The following CHTF18 variants were observed in gnomAD, a reference collection of about 807,000 sequenced individuals.
CHTF18 encodes chromosome transmission fidelity factor 18.
A neutral mutation model predicts 113.4 loss-of-function variants in CHTF18; 151 were observed. The observed-to-expected ratio is 1.33, with a 90% confidence interval of 1.17 to 1.52. CHTF18 has a LOEUF of 1.52. Ranked by LOEUF, CHTF18 falls within the 40% of genes most tolerant of loss-of-function variation. The pLI is 0.00. For synonymous variants in CHTF18, 916 were observed against 598.8 expected (o/e 1.53, Z -7.74); for missense variants, 1,982 against 1,381.6 (o/e 1.43, Z -6.89).
intron 12 of CHTF18, 51 bp downstream of exon 12, chr16:792,862 G>T (rs2042238039): frequency 6.5e-7 from 1 of 1,530,010 alleles, no homozygotes; most frequent in African/African-American, 1.4e-5. Context: ...TGGGGGCGTG[G>T]CCTCGTTCTG....
rs200765427 is a variant in CHTF18 at position 793,183 on chromosome 16, G to A, written c.1711G>A (p.Asp571Asn). 4,974 of 1,608,046 alleles carry A rather than the reference G, an allele frequency of 3.1e-3. 15 individuals carry two copies. Among genetic ancestry groups the A allele is most frequent in the Non-Finnish European group, 3.3e-3 (3,881 of 1,178,312 alleles). Residue 571 changes from aspartate to asparagine, a missense_variant, in exon 14 of 22, where the codon GAC (aspartate) becomes AAC (asparagine). Coordinates refer to ENST00000262315, the MANE Select transcript of CHTF18 (RefSeq NM_022092.3). ...SRGQRELSVR[D>N]VQATRVGLKD... ...GGGCCAGCGGGAGCTGAGCGTGCGG[G>A]ACGTGCAGGCCACACGCGTGGGCCT...
At position 798,014 on chromosome 16, in the gene CHTF18, C is replaced by A. The variant is rs757996880; in HGVS notation, c.*39C>A. 1 of 1,588,944 alleles carries A rather than the reference C, an allele frequency of 6.3e-7. No individual in the cohort carries two copies. Among genetic ancestry groups the A allele is most frequent in the Middle Eastern group, 1.7e-4 (1 of 5,902 alleles). ...GGACATGCCCTCGCATTGCTTCCCG[C>A]AGAGTGCAGAGACAGGAAGCTGGAG... On this transcript the variant is annotated 3_prime_UTR_variant, in exon 22 of 22. Coordinates refer to ENST00000262315, the MANE Select transcript of CHTF18 (RefSeq NM_022092.3).
intron 7 of CHTF18, 131 bp downstream of exon 7, chr16:790,797 T>C (rs1299262387): frequency 2.1e-6 from 3 of 1,435,764 alleles, no homozygotes; most frequent in African/African-American, 2.9e-5. Flanking sequence ...TTTGCCCTTT[T>C]GAGTTGTAGG....
chr16:791,719 TC>T, intron 8 of CHTF18, 131 bp from the exon 9 acceptor site: 1 of 1,443,798 alleles, frequency 6.9e-7, no homozygotes, highest in Non-Finnish European at 9.1e-7. Context: ...TCAATTTTGT[TC>T]TTATTTGATG....
chr16:788,865 C>T (rs962928596), intron 1 of CHTF18, 66 bp from the exon 2 acceptor site: 16 of 1,507,046 alleles, frequency 1.1e-5, no homozygotes, highest in African/African-American at 4.3e-5. Flanking sequence ...CCGAAGGGGC[C>T]TCCACGTCGC....
intron 7 of CHTF18, 160 bp downstream of exon 7, chr16:790,826 G>C (rs2042177080): frequency 1.4e-6 from 2 of 1,433,144 alleles, no homozygotes; most frequent in African/African-American, 1.4e-5. Flanking sequence ...TGAGCACAGG[G>C]CTGTGTGCTA....
At position 793,220 on chromosome 16, in the gene CHTF18, G is replaced by A. The variant is rs753456384; in HGVS notation, c.1748G>A (p.Arg583His). ...QATRVGLKDQ[R>H]RGLFSVWQEV... is the part of the protein sequence containing the mutation. Reference sequence around the variant, plus strand: ...ACACGCGTGGGCCTCAAGGACCAGCGCAGAGGGCTCTTCTCGGTGTGGCAG... The same window carrying A: ...ACACGCGTGGGCCTCAAGGACCAGCACAGAGGGCTCTTCTCGGTGTGGCAG... The change falls in exon 14 of 22, where the codon CGC becomes CAC. Residue 583 changes from arginine (R) to histidine (H), a missense_variant. Arg to His is a conservative substitution (Grantham distance 29). Coordinates refer to ENST00000262315, the MANE Select transcript of CHTF18 (RefSeq NM_022092.3). The A allele has an allele frequency of 1.1e-5, 18 of 1,609,350 alleles. No individual in the cohort carries two copies. Among genetic ancestry groups the A allele is most frequent in the Non-Finnish European group, 1.4e-5 (16 of 1,178,936 alleles).
chr16:797,214 G>A (rs1392216302), intron 20 of CHTF18, 122 bp downstream of exon 20: 12 of 1,222,066 alleles, frequency 9.8e-6, no homozygotes, highest in Non-Finnish European at 1.3e-5. Context: ...TTGTGGGTGT[G>A]GCTAGGGCCC....
At chr16:796,342 G>A (rs561485106) in intron 18 of CHTF18, among the ~76,000 whole-genome samples, 13 of 152,346 alleles carry the variant, frequency 8.5e-5, no homozygotes, top group Non-Finnish European at 1.8e-4. Flanking sequence ...GGCCCCGAGA[G>A]TGACTGCACT....
Position 791,014 on chromosome 16 carries a change from C to T in CHTF18, c.895-147C>T, listed in dbSNP as rs955251693. On this transcript the variant is annotated intron_variant, in intron 7 of 21. Coordinates refer to ENST00000262315, the MANE Select transcript of CHTF18 (RefSeq NM_022092.3). ...GGTGGAGCCCCTGGTGTGAGCCTTG[C>T]GGTCACTCGCTGGCAGGAAGACGGG... is the stretch of plus-strand genomic sequence containing the variant. 3.5e-5 allele frequency: 52 copies of T among 1,471,634 alleles called. No individual in the cohort carries two copies. In the East Asian group the frequency reaches 7.2e-4, roughly 20 times the overall value. 91.2% of individuals were successfully genotyped at this position (1,471,634 alleles called of 1,614,324 possible).
intron 9 of CHTF18, 46 bp downstream of exon 9, chr16:791,994 T>G (rs751739227): frequency 2.2e-5 from 34 of 1,569,048 alleles, no homozygotes; most frequent in Middle Eastern, 1.7e-4. Context: ...TGTCCTGACG[T>G]GTTTGAGTTC....
chr16:792,832 C>T (rs532899463), intron 12 of CHTF18, 21 bp downstream of exon 12: 104 of 1,538,162 alleles, frequency 6.8e-5, no homozygotes, highest in African/African-American at 4.5e-4. Flanking sequence ...CCCCAGGAGC[C>T]GTGTGGCTGA....
chr16:793,210 A>G lies in CHTF18; in HGVS notation c.1738A>G (p.Lys580Glu). Residue 580 changes from lysine to glutamate, a missense_variant, in exon 14 of 22, where the codon AAG becomes GAG. Physicochemically the swap from Lys to Glu is moderately conservative, Grantham distance 56. Coordinates refer to ENST00000262315, the MANE Select transcript of CHTF18 (RefSeq NM_022092.3). ...CGTGCAGGCCACACGCGTGGGCCTC[A>G]AGGACCAGCGCAGAGGGCTCTTCTC... is the stretch of plus-strand genomic sequence containing the variant. ...RDVQATRVGL[K>E]DQRRGLFSVW... 1 of 1,608,636 alleles carries G rather than the reference A, an allele frequency of 6.2e-7. No homozygotes were observed. Among genetic ancestry groups the G allele is most frequent in the South Asian group, 1.1e-5 (1 of 90,432 alleles).
rs200950576 is a variant in CHTF18 at position 789,664 on chromosome 16, C to T, written c.555C>T (p.Gly185=). Residue 185 remains glycine (G), a synonymous_variant, in exon 4 of 22, where the codon GGC becomes GGT. Coordinates refer to ENST00000262315, the MANE Select transcript of CHTF18 (RefSeq NM_022092.3). ...ACGTCCACGTGACATCCACGGAGGG[C>T]GTCCGGGCTTATCTGGTGCTGCGTG... ...EDYVHVTSTE[G]VRAYLVLRAD... is the part of the protein sequence containing the mutation. 9.4e-6 allele frequency: 15 copies of T among 1,603,746 alleles called. No individual in the cohort carries two copies. Among genetic ancestry groups the T allele is most frequent in the Admixed American group, 8.3e-5 (5 of 59,942 alleles).
intron 15 of CHTF18, chr16:794,900 G>C (rs1367818279): frequency 1.8e-6 from 1 of 564,416 alleles, no homozygotes; most frequent in Non-Finnish European, 3.2e-6. Flanking sequence ...AAGCTGTAGC[G>C]AGGATGCTCA....
In CHTF18 at chr16:792,752, G is replaced by A; in HGVS notation, c.1513G>A (p.Ala505Thr). The change falls in exon 12 of 22, where the codon GCC (alanine) becomes ACC (threonine). Residue 505 changes from alanine (A) to threonine (T), a missense_variant. Coordinates refer to ENST00000262315, the MANE Select transcript of CHTF18 (RefSeq NM_022092.3). ...GTCCCTGCGGCAGCTGAAGCAGCAG[G>A]CCTTCCTGCTCCACTTCCCGCCGAC... ...APSLRQLKQQ[A>T]FLLHFPPTLP... 1 of 1,552,226 alleles carries A rather than the reference G, an allele frequency of 6.4e-7. No individual in the cohort carries two copies. The highest frequency in any genetic ancestry group is 8.7e-7 in the Non-Finnish European group (1 of 1,153,222).
Position 794,022 on chromosome 16 carries a change from G to A in CHTF18, c.1803-32G>A, listed in dbSNP as rs375200214. ...GTGGGGCTGCCTGTGCTTTTAACACGGGTCCATCTAGCTTCAGCACCCCAC... is the reference window on the plus strand; with the variant it reads ...GTGGGGCTGCCTGTGCTTTTAACACAGGTCCATCTAGCTTCAGCACCCCAC... On this transcript the variant is annotated intron_variant, in intron 14 of 21. Transcript: ENST00000262315. 103 of 1,595,972 alleles carry A rather than the reference G, an allele frequency of 6.5e-5. No homozygotes were observed. The African/African-American group carries it at 9.5e-4, about 15-fold the overall frequency.
chr16:793,260 G>T lies in CHTF18; in HGVS notation c.1788G>T (p.Leu596=), dbSNP rs368463187. The T allele has an allele frequency of 6.2e-7, 1 of 1,607,282 alleles. No homozygotes were observed. The highest frequency in any genetic ancestry group is 1.3e-5 in the African/African-American group (1 of 74,924). Residue 596 remains leucine (L), a synonymous_variant, in exon 14 of 22, where the codon CTG becomes CTT. Coordinates refer to ENST00000262315, the MANE Select transcript of CHTF18 (RefSeq NM_022092.3). ...LFSVWQEVFQ[L]PRAQRRRVGQ... is the part of the protein sequence containing the mutation. ...CGGTGTGGCAGGAGGTCTTCCAGCT[G>T]CCTCGAGCCCAGAGGTAGGCGGTGG...
chr16:789,449 G>C, intron 3 of CHTF18, 89 bp downstream of exon 3: 1 of 1,535,194 alleles, frequency 6.5e-7, no homozygotes, highest in Non-Finnish European at 8.8e-7. Flanking sequence ...GGCCTGGGGG[G>C]TGGGGAGGGT....
Sources: allele counts gnomAD v4.1 joint callset (sites outside exome capture counted in the v4.1 genomes callset), GRCh38; gene constraint gnomAD v4.1.1; transcripts MANE v1.5; gene names NCBI Gene and HGNC (gene_info 2026-07-23, HGNC 2026-07-21).